The following FRMD5 variants were observed in gnomAD, a reference collection of about 807,000 sequenced individuals.
FRMD5 encodes the protein FERM domain containing 5.
In FRMD5, 20 loss-of-function variants were observed where a neutral mutation model predicts 69.0. That is an observed-to-expected ratio of 0.29 (90% CI 0.20 to 0.42). The LOEUF is 0.42. FRMD5 is among the 10% of genes least tolerant of loss of function. The pLI is 1.00. For missense variants in FRMD5, 595 were observed against 708.6 expected, an observed-to-expected ratio of 0.84 and a Z score of 1.82; for synonymous variants, 271 against 260.1, an observed-to-expected ratio of 1.04 and a Z score of -0.40.
chr15:44,067,000 A>G (rs1343249600), intron 1 of FRMD5, among the ~76,000 whole-genome samples: 2 of 152,118 alleles, frequency 1.3e-5, no homozygotes, highest in African/African-American at 2.4e-5. Flanking sequence ...TAGTGGGGAG[A>G]AAAAGATCAA....
chr15:44,077,695 A>G (rs1435990199), intron 1 of FRMD5, among the ~76,000 whole-genome samples: 1 of 152,122 alleles, frequency 6.6e-6, no homozygotes, highest in African/African-American at 2.4e-5. Flanking sequence ...AAACGAAGTG[A>G]CTGGATGTAT....
At chr15:44,075,966 T>C (rs943767733) in intron 1 of FRMD5, among the ~76,000 whole-genome samples, 1 of 152,222 alleles carries the variant, frequency 6.6e-6, no homozygotes, top group African/African-American at 2.4e-5. Flanking sequence ...ATGTCTTCTT[T>C]TGAGAAGTGT....
chr15:43,949,574 C>T (rs2089995631), intron 1 of FRMD5, among the ~76,000 whole-genome samples: 1 of 152,118 alleles, frequency 6.6e-6, no homozygotes, highest in Non-Finnish European at 1.5e-5. Context: ...GTAGCAACTA[C>T]AGGATGAGAT....
chr15:44,188,568 G>A (rs1381704840), intron 1 of FRMD5, among the ~76,000 whole-genome samples: 1 of 152,158 alleles, frequency 6.6e-6, no homozygotes, highest in African/African-American at 2.4e-5. Flanking sequence ...CTGGGATGGG[G>A]TCAAGAATTT....
In FRMD5 at chr15:44,121,902, G is replaced by A. The variant is rs147754230; in HGVS notation, c.102+73051C>T. Among the ~76,000 whole-genome samples, 334 of 150,156 alleles carry A rather than the reference G, an allele frequency of 2.2e-3. 2 individuals are homozygous for A. The highest frequency in any genetic ancestry group is 7.7e-3 in the African/African-American group (313 of 40,594). On this transcript the variant is annotated intron_variant, in intron 1 of 13. Transcript: ENST00000417257. ...CCCAGCTACTTGGGAGGGTGAGACA[G>A]GAGAATCGCTTGAACCTGAGGGGTG...
chr15:44,010,616 C>T (rs948585329), intron 1 of FRMD5, among the ~76,000 whole-genome samples: 1 of 152,094 alleles, frequency 6.6e-6, no homozygotes, highest in Non-Finnish European at 1.5e-5. Context: ...AACTCCTGAC[C>T]TCAAGTGATC....
At chr15:43,876,180 T>C in intron 13 of FRMD5, 1 of 1,599,000 alleles carries the variant, frequency 6.3e-7, no homozygotes, top group South Asian at 1.1e-5. Flanking sequence ...GTCAGCACTG[T>C]CACTCCCAGA....
chr15:44,019,271 T>C (rs1332358009), intron 1 of FRMD5, among the ~76,000 whole-genome samples: 1 of 152,158 alleles, frequency 6.6e-6, no homozygotes, highest in Non-Finnish European at 1.5e-5. Flanking sequence ...TTGTAAATCC[T>C]AGAGTTTATA....
At chr15:43,937,233 T>A (rs1490014035) in intron 1 of FRMD5, among the ~76,000 whole-genome samples, 2 of 152,226 alleles carry the variant, frequency 1.3e-5, no homozygotes, top group Non-Finnish European at 2.9e-5. Context: ...TCATTGGGCT[T>A]CAGATCAATG....
chr15:44,017,977 C>A (rs1481531942), intron 1 of FRMD5, among the ~76,000 whole-genome samples: 1 of 152,048 alleles, frequency 6.6e-6, no homozygotes. Context: ...AGCCTAAGTC[C>A]CACTGCCTAG....
intron 1 of FRMD5, among the ~76,000 whole-genome samples, chr15:43,994,959 T>C (rs1435463470): frequency 1.3e-5 from 2 of 152,170 alleles, no homozygotes; most frequent in East Asian, 3.9e-4. Flanking sequence ...AGCTTTTGCT[T>C]ATCTGAGAAA....
chr15:44,003,734 T>C (rs758090023), intron 1 of FRMD5, among the ~76,000 whole-genome samples: 20 of 152,334 alleles, frequency 1.3e-4, no homozygotes, highest in South Asian at 1.0e-3. Context: ...CAACCACCCA[T>C]CCAACTCTAG....
At chr15:44,124,830 G>C (rs151303851) in intron 1 of FRMD5, among the ~76,000 whole-genome samples, 1 of 152,266 alleles carries the variant, frequency 6.6e-6, no homozygotes, top group African/African-American at 2.4e-5. Flanking sequence ...GAATAAGACA[G>C]ACTTCAAAAC....
intron 1 of FRMD5, among the ~76,000 whole-genome samples, chr15:44,180,367 C>A (rs917885025): frequency 7.2e-5 from 11 of 152,112 alleles, no homozygotes; most frequent in African/African-American, 2.4e-4. Context: ...GCAAATAACT[C>A]TCTAAGACAC....
At chr15:43,958,384 G>A (rs1316523033) in intron 1 of FRMD5, among the ~76,000 whole-genome samples, 1 of 152,290 alleles carries the variant, frequency 6.6e-6, no homozygotes, top group Non-Finnish European at 1.5e-5. Flanking sequence ...AGAGAAAGAA[G>A]GGGGAGATGG....
At chr15:43,991,830 C>T (rs1023048307) in intron 1 of FRMD5, among the ~76,000 whole-genome samples, 5 of 152,230 alleles carry the variant, frequency 3.3e-5, no homozygotes, top group African/African-American at 1.2e-4. Context: ...CTTGGTCCAA[C>T]ATTCTTTGGA....
intron 1 of FRMD5, among the ~76,000 whole-genome samples, chr15:44,185,151 T>A (rs2078077306): frequency 1.3e-5 from 2 of 152,236 alleles, no homozygotes; most frequent in Non-Finnish European, 2.9e-5. Context: ...GTGTTTTATG[T>A]TCTGTAGCTA....
At chr15:43,932,599 G>A (rs2089694004) in intron 1 of FRMD5, among the ~76,000 whole-genome samples, 1 of 152,206 alleles carries the variant, frequency 6.6e-6, no homozygotes, top group South Asian at 2.1e-4. Flanking sequence ...TTAATGCCTT[G>A]GCTTTAATTA....
chr15:44,077,167 G>C (rs975416449), intron 1 of FRMD5, among the ~76,000 whole-genome samples: 8 of 152,154 alleles, frequency 5.3e-5, no homozygotes, highest in Admixed American at 2.6e-4. Flanking sequence ...ATGGGTAACT[G>C]AATACATTTT....
Sources: allele counts gnomAD v4.1 joint callset (sites outside exome capture counted in the v4.1 genomes callset), GRCh38; gene constraint gnomAD v4.1.1; transcripts MANE v1.5; gene names NCBI Gene and HGNC (gene_info 2026-07-23, HGNC 2026-07-21).